Variants in ADGRA2 observed in about 807,000 individuals in gnomAD.
The protein encoded by ADGRA2 is G-protein coupled receptor 124.
ADGRA2 carries 61 observed loss-of-function variants against 98.7 expected under a neutral mutation model. The observed-to-expected ratio is 0.62, with a 90% CI of 0.50 to 0.76. The LOEUF (loss-of-function observed/expected upper bound fraction) is 0.76, where lower values mean the gene tolerates loss of function less well. ADGRA2 is among the 30% of genes least tolerant of loss of function. The pLI, the probability that ADGRA2 is intolerant of heterozygous loss-of-function variation, is 0.00. For missense variants in ADGRA2, 1,712 were observed against 1,860.0 expected (o/e 0.92, Z 1.46); for synonymous variants, 858 against 831.5 (o/e 1.03, Z -0.55).
chr8:37,831,586 A>G lies in ADGRA2; in HGVS notation c.1096A>G (p.Arg366Gly). Reference protein sequence around the residue: ...ERVANNRGDFRWPRTLAGITA... With the variant: ...ERVANNRGDFGWPRTLAGITA... ...TGTTGCCAACAACCGCGGGGACTTC[A>G]GGTTTGGCCCACTCCACCCTGTAGA... Residue 366 changes from arginine (R) to glycine (G), a missense_variant and splice_region_variant, in exon 8 of 19, where the codon AGG becomes GGG. By Grantham distance (125) the Arg-to-Gly change is moderately radical (BLOSUM62 -2). Coordinates refer to ENST00000412232, the MANE Select transcript of ADGRA2 (RefSeq NM_032777.10). 1 of 1,613,522 alleles carries G rather than the reference A, an allele frequency of 6.2e-7. No homozygotes were observed. The highest frequency in any genetic ancestry group is 8.5e-7 in the Non-Finnish European group (1 of 1,179,940).
At chr8:37,806,495 C>CTTTTTCTTTTTCTTTTTCT (rs1373000655) in intron 1 of ADGRA2, among the ~76,000 whole-genome samples, 7 of 121,236 alleles carry the variant, frequency 5.8e-5, no homozygotes, top group Non-Finnish European at 1.2e-4. Flanking sequence ...GTGGCATTTT[C>CTTTTTCTTTTTCTTTTTCT]TTTTTCTTTT....
chr8:37,797,211 C>T lies in ADGRA2; in HGVS notation c.-58C>T. On this transcript the variant is annotated 5_prime_UTR_variant, in exon 1 of 19. Coordinates refer to ENST00000412232, the MANE Select transcript of ADGRA2 (RefSeq NM_032777.10). The surrounding 1 kb of genome is among the most constrained non-coding windows in gnomAD (Gnocchi z 5.3). Reference sequence around the variant, plus strand: ...GCACTCCTCCCGCACGCCTGGGTCCCTCCGGCCGGCGCGCAGCCCGGCCCC... The same window carrying T: ...GCACTCCTCCCGCACGCCTGGGTCCTTCCGGCCGGCGCGCAGCCCGGCCCC... The T allele has an allele frequency of 9.2e-6, 11 of 1,190,392 alleles. No homozygotes were observed. Among genetic ancestry groups the T allele is most frequent in the Admixed American group, 4.5e-5 (1 of 22,352 alleles). The allele number at this position is 1,190,392 out of a possible 1,614,324, so 73.7% of individuals were successfully genotyped here. A position where few individuals can be genotyped will look rare whatever the true frequency, so the allele number is the denominator to read the frequency against.
rs1219810149 is a variant in ADGRA2, at chr8:37,839,864, TGG to T, written c.2511+243_2511+244del. Among the ~76,000 whole-genome samples the T allele has an allele frequency of 1.8e-3, 278 of 151,686 alleles. 1 individual carries two copies. Among genetic ancestry groups the T allele is most frequent in the African/African-American group, 6.0e-3 (246 of 41,332 alleles). On this transcript the variant is annotated intron_variant, in intron 16 of 18. Coordinates refer to ENST00000412232, the MANE Select transcript of ADGRA2 (RefSeq NM_032777.10). ...TCAAAGTGGAAATGGAGACGTGCAG[TGG>T]TGGGGAGGTGGGGGATCAGCCAGAT... is the stretch of plus-strand genomic sequence containing the variant.
At position 37,841,819 on chromosome 8, in the gene ADGRA2, C is replaced by G. The variant is rs1805806316; in HGVS notation, c.3481C>G (p.Pro1161Ala). Residue 1161 changes from proline to alanine, a missense_variant, in exon 19 of 19, where the codon CCG becomes GCG. Coordinates refer to ENST00000412232, the MANE Select transcript of ADGRA2 (RefSeq NM_032777.10). The surrounding 1 kb of genome is among the most constrained non-coding windows in gnomAD (Gnocchi z 5.0). The stretch of plus-strand genomic sequence containing the variant: ...GGCCGGCGGGGAAGGAGAGCCGGAG[C>G]CGGCGGGCACCCGGGGAAACCTCGC... The part of the protein sequence containing the change: ...AAAGGEGEPE[P>A]AGTRGNLAHR... 6.5e-7 allele frequency: 1 copy of G among 1,530,070 alleles called. No homozygotes were observed. The highest frequency in any genetic ancestry group is 8.7e-7 in the Non-Finnish European group (1 of 1,143,898). The allele number at this position is 1,530,070 out of a possible 1,614,324, so 94.8% of individuals were successfully genotyped here.
chr8:37,842,140 C>T lies in ADGRA2; in HGVS notation c.3802C>T (p.Arg1268Trp). 1 of 1,497,654 alleles carries T rather than the reference C, an allele frequency of 6.7e-7. No homozygotes were observed. The highest frequency in any genetic ancestry group is 8.8e-7 in the Non-Finnish European group (1 of 1,130,950). The allele number at this position is 1,497,654 out of a possible 1,614,324, so 92.8% of individuals were successfully genotyped here. A position where few individuals can be genotyped will look rare whatever the true frequency, so the allele number is the denominator to read the frequency against. ...TSAAPLSEAGRAGQRRSASRD... is the reference protein window; with the variant it reads ...TSAAPLSEAGWAGQRRSASRD... ...CGCCGCGCCGCTTTCTGAGGCGGGC[C>T]GGGCAGGCCAGCGCCGCAGCGCCAG... The change falls in exon 19 of 19, where the codon CGG becomes TGG. Residue 1268 changes from arginine to tryptophan, a missense_variant. Coordinates refer to ENST00000412232, the MANE Select transcript of ADGRA2 (RefSeq NM_032777.10).
At chr8:37,837,080 C>T (rs567978017) in intron 13 of ADGRA2, among the ~76,000 whole-genome samples, 1 of 152,288 alleles carries the variant, frequency 6.6e-6, no homozygotes, top group South Asian at 2.1e-4. Flanking sequence ...AAGAGCAGCT[C>T]GTTGTAAGTG....
At chr8:37,810,470 C>T (rs1397228029) in intron 1 of ADGRA2, among the ~76,000 whole-genome samples, 1 of 151,742 alleles carries the variant, frequency 6.6e-6, no homozygotes, top group Non-Finnish European at 1.5e-5. Flanking sequence ...GAGCATGCCA[C>T]TGCACTCCAG....
At chr8:37,809,430 C>G (rs950618851) in intron 1 of ADGRA2, among the ~76,000 whole-genome samples, 3 of 152,206 alleles carry the variant, frequency 2.0e-5, no homozygotes, top group Non-Finnish European at 2.9e-5. Flanking sequence ...GGAGGCCCCT[C>G]TCTGGATAAT....
At chr8:37,816,593 AACACACACACACACACACAC>A (rs545433349) in intron 2 of ADGRA2, among the ~76,000 whole-genome samples, 1 of 131,292 alleles carries the variant, frequency 7.6e-6, no homozygotes, top group Non-Finnish European at 1.6e-5. Flanking sequence ...CTCCGTCTCA[AACACACACACACACACACAC>A]ACACACACAC....
At chr8:37,829,652 T>G in intron 5 of ADGRA2, 93 bp downstream of exon 5, 1 of 1,043,800 alleles carries the variant, frequency 9.6e-7, no homozygotes, top group East Asian at 2.4e-5. Flanking sequence ...AGGACTGGTC[T>G]CACGAGTGGC....
At chr8:37,800,666 T>C (rs1439233903) in intron 1 of ADGRA2, among the ~76,000 whole-genome samples, 1 of 152,148 alleles carries the variant, frequency 6.6e-6, no homozygotes, top group African/African-American at 2.4e-5. Flanking sequence ...TGCCTGGTCT[T>C]TGAGGTATCG....
At chr8:37,798,575 G>A (rs1284836547) in intron 1 of ADGRA2, among the ~76,000 whole-genome samples, 2 of 152,196 alleles carry the variant, frequency 1.3e-5, no homozygotes, top group Non-Finnish European at 2.9e-5. Flanking sequence ...GGGCCCCCGC[G>A]GCCGCCGCTT....
chr8:37,800,265 T>C (rs1229992575), intron 1 of ADGRA2, among the ~76,000 whole-genome samples: 4 of 152,204 alleles, frequency 2.6e-5, no homozygotes, highest in African/African-American at 9.7e-5. Flanking sequence ...GAGAGATGTA[T>C]GGACCGGGAG....
In ADGRA2 at chr8:37,828,517, C is replaced by T. The variant is rs545257265; in HGVS notation, c.339-371C>T. On this transcript the variant is annotated intron_variant, in intron 2 of 18. Coordinates refer to ENST00000412232, the MANE Select transcript of ADGRA2 (RefSeq NM_032777.10). ...TTTTTTTTTTTTTGAGATGGAGTCT[C>T]GCTCTGTCGCCCAGGCTGGAGTGCA... Among the ~76,000 whole-genome samples, 20 of 126,962 alleles carry T rather than the reference C, an allele frequency of 1.6e-4. No homozygotes were observed. The East Asian group carries it at 2.0e-3, about 13-fold the overall frequency. 83.3% of individuals were successfully genotyped at this position (126,962 alleles called of 152,430 possible). A position where few individuals can be genotyped will look rare whatever the true frequency, so the allele number is the denominator to read the frequency against.
In ADGRA2 at chr8:37,834,190, G is replaced by A; in HGVS notation, c.1608+62G>A. The A allele has an allele frequency of 7.0e-7, 1 of 1,434,774 alleles. No homozygotes were observed. The highest frequency in any genetic ancestry group is 1.2e-5 in the South Asian group (1 of 80,080). The allele number at this position is 1,434,774 out of a possible 1,614,324, so 88.9% of individuals were successfully genotyped here. ...CAGAGGAGGGAGGCGCTCCCTCTCA[G>A]GCGTGCACCTGCCGTGCCCCAGCTA... On this transcript the variant is annotated intron_variant, in intron 11 of 18. Transcript: ENST00000412232. This position sits in a 1 kb window ranked among gnomAD's most constrained non-coding sequence, Gnocchi z 4.2.
rs749558260 is a variant in ADGRA2 at position 37,829,516 on chromosome 8, C to A, written c.511C>A (p.Leu171Met). 7 of 1,613,598 alleles carry A rather than the reference C, an allele frequency of 4.3e-6. No homozygotes were observed. In the Admixed American group the frequency reaches 1.2e-4, roughly 27 times the overall value. The change falls in exon 5 of 19, where the codon CTG becomes ATG. Residue 171 changes from leucine to methionine, a missense_variant. By Grantham distance (15) the Leu-to-Met change is conservative. Coordinates refer to ENST00000412232, the MANE Select transcript of ADGRA2 (RefSeq NM_032777.10). ...CATATCTGGAAACATCTTCTCCAGT[C>A]TGCAACCTGGGGTCTTTGATGAGCT... is the stretch of plus-strand genomic sequence containing the variant. ...LNISGNIFSS[L>M]QPGVFDELPA...
rs1199024690 is a variant in ADGRA2, at chr8:37,841,067, G to T, written c.2748-19G>T. On this transcript the variant is annotated intron_variant, in intron 18 of 18. Coordinates refer to ENST00000412232, the MANE Select transcript of ADGRA2 (RefSeq NM_032777.10). This position sits in a 1 kb window ranked among gnomAD's most constrained non-coding sequence, Gnocchi z 5.0. ...AGCCATGCCCCCTGTCCTCATCACT[G>T]CTTCTGTGTCTCCTACAGCTGCTGG... 2 of 1,571,716 alleles carry T rather than the reference G, an allele frequency of 1.3e-6. No homozygotes were observed. Among genetic ancestry groups the T allele is most frequent in the South Asian group, 1.2e-5 (1 of 85,648 alleles).
At chr8:37,801,527 G>A (rs1274093514) in intron 1 of ADGRA2, among the ~76,000 whole-genome samples, 1 of 152,210 alleles carries the variant, frequency 6.6e-6, no homozygotes. Context: ...TGAGGGGGAA[G>A]GGGGCTGAGG....
At chr8:37,828,071 A>G (rs934279552) in intron 2 of ADGRA2, among the ~76,000 whole-genome samples, 1 of 151,978 alleles carries the variant, frequency 6.6e-6, no homozygotes, top group African/African-American at 2.4e-5. Flanking sequence ...GGGCCCAGGA[A>G]TTTGAGGTTA....
Sources: gnomAD v4.1 joint callset for allele counts (sites outside exome capture counted in the v4.1 genomes callset) on GRCh38, gnomAD v4.1.1 for gene constraint, Gnocchi (gnomAD v3.1) non-coding constraint, MANE v1.5 for transcripts, NCBI Gene and HGNC (gene_info 2026-07-23, HGNC 2026-07-21) for gene names.